The following DGKH variants were observed in gnomAD, a reference collection of about 807,000 sequenced individuals.
DGKH encodes diacylglycerol kinase eta.
DGKH carries 90 observed loss-of-function variants against 159.3 expected under a neutral mutation model. That is an observed-to-expected ratio of 0.57 (90% CI 0.48 to 0.67). The LOEUF (loss-of-function observed/expected upper bound fraction) is 0.67. DGKH is among the 30% of genes least tolerant of loss of function. The pLI is 0.00. For missense variants in DGKH, 1,181 were observed against 1,506.1 expected (o/e 0.78, Z 3.57); for synonymous variants, 536 against 553.8 (o/e 0.97, Z 0.45).
chr13:42,091,972 G>A (rs1239650212), intron 1 of DGKH, among the ~76,000 whole-genome samples: 2 of 152,058 alleles, frequency 1.3e-5, no homozygotes, highest in African/African-American at 4.8e-5. Context: ...TTAGTTTTTT[G>A]AGGAACCTCC....
intron 21 of DGKH, among the ~76,000 whole-genome samples, chr13:42,207,501 T>C (rs1183506631): frequency 4.0e-5 from 6 of 151,848 alleles, no homozygotes; most frequent in African/African-American, 1.5e-4. Flanking sequence ...TCAGTACTTT[T>C]AATTTTCTAA....
chr13:42,119,465 G>A (rs535607798), intron 1 of DGKH, among the ~76,000 whole-genome samples: 1 of 152,324 alleles, frequency 6.6e-6, no homozygotes, highest in South Asian at 2.1e-4. Context: ...CCTGTGGTCA[G>A]TGCTAGGCCA....
chr13:42,091,453 A>G (rs1451187607), intron 1 of DGKH, among the ~76,000 whole-genome samples: 7 of 152,208 alleles, frequency 4.6e-5, no homozygotes, highest in Non-Finnish European at 8.8e-5. Context: ...AAGAACTCCT[A>G]CAATTCAACA....
chr13:42,056,535 T>C (rs1881773346), intron 1 of DGKH, among the ~76,000 whole-genome samples: 1 of 152,254 alleles, frequency 6.6e-6, no homozygotes, highest in African/African-American at 2.4e-5. Flanking sequence ...CATGATCTTA[T>C]GGAACAGTTG....
intron 3 of DGKH, among the ~76,000 whole-genome samples, chr13:42,131,254 T>C (rs964700695): frequency 3.3e-5 from 5 of 152,200 alleles, no homozygotes; most frequent in Non-Finnish European, 5.9e-5. Flanking sequence ...AATTTTAGTT[T>C]TGTTGTTGTT....
At position 42,079,325 on chromosome 13, in the gene DGKH, T is replaced by A. The variant is rs544648987; in HGVS notation, c.192+30360T>A. ...CCAAGTTATGGGTATATGTACAAAG[T>A]TATGGGGTATATGTGCAATTTCATT... On this transcript the variant is annotated intron_variant, in intron 1 of 29. Coordinates refer to ENST00000337343, the MANE Select transcript of DGKH (RefSeq NM_178009.5). 3.9e-5 allele frequency among the ~76,000 whole-genome samples: 6 copies of A among 152,256 alleles called. No homozygotes were observed. In the South Asian group the frequency reaches 1.2e-3, roughly 32 times the overall value.
intron 1 of DGKH, among the ~76,000 whole-genome samples, chr13:42,062,796 G>T (rs1408763672): frequency 6.6e-6 from 1 of 152,216 alleles, no homozygotes; most frequent in Non-Finnish European, 1.5e-5. Context: ...TATTTTTGAA[G>T]ATTGAATAAA....
chr13:42,054,562 T>G lies in DGKH; in HGVS notation c.192+5597T>G, dbSNP rs543869562. 2.0e-5 allele frequency among the ~76,000 whole-genome samples: 3 copies of G among 152,322 alleles called. No individual in the cohort carries two copies. In the South Asian group the frequency reaches 6.2e-4, roughly 32 times the overall value. On this transcript the variant is annotated intron_variant, in intron 1 of 29. Coordinates refer to ENST00000337343, the MANE Select transcript of DGKH (RefSeq NM_178009.5). ...AAGGTGTCTGCTGAAATTATTTAAC[T>G]CAGAGAATGGAGGTTACTAAGAAGG...
intron 1 of DGKH, among the ~76,000 whole-genome samples, chr13:42,101,482 T>G (rs1954650915): frequency 6.6e-6 from 1 of 152,258 alleles, no homozygotes; most frequent in African/African-American, 2.4e-5. Flanking sequence ...CCAGTCACAG[T>G]TCAATGGTTC....
intron 1 of DGKH, among the ~76,000 whole-genome samples, chr13:42,077,168 A>T (rs553537475): frequency 4.6e-5 from 7 of 152,286 alleles, no homozygotes; most frequent in Admixed American, 3.3e-4. Flanking sequence ...AAATTCTGTA[A>T]CATAGCCCCT....
intron 21 of DGKH, among the ~76,000 whole-genome samples, chr13:42,206,868 G>A (rs1957486369): frequency 6.6e-6 from 1 of 151,966 alleles, no homozygotes; most frequent in Non-Finnish European, 1.5e-5. Flanking sequence ...TCCTTTTGCT[G>A]TGTAAGGTAA....
At position 42,155,327 on chromosome 13, in the gene DGKH, G is replaced by T; in HGVS notation, c.421G>T (p.Glu141Ter). 6.2e-7 allele frequency: 1 copy of T among 1,612,626 alleles called. No homozygotes were observed. Among genetic ancestry groups the T allele is most frequent in the South Asian group, 1.1e-5 (1 of 90,606 alleles). ...ATTCAGAAGGCTAATGCTGTGTGCTGAGAACAGAAAGGAGATGGAGGATTG... is the reference window on the plus strand; with the variant it reads ...ATTCAGAAGGCTAATGCTGTGTGCTTAGAACAGAAAGGAGATGGAGGATTG... The part of the protein sequence containing the change: ...TPFRRLMLCA[E>*]NRKEMEDWIS... The change falls in exon 4 of 30, where the codon GAG becomes TAG. Residue 141 changes from glutamate to a stop codon, truncating the protein, a stop_gained. Coordinates refer to ENST00000337343, the MANE Select transcript of DGKH (RefSeq NM_178009.5). LOFTEE classifies it high-confidence loss of function.
intron 24 of DGKH, among the ~76,000 whole-genome samples, chr13:42,213,633 G>A (rs558760987): frequency 1.3e-5 from 2 of 152,170 alleles, no homozygotes; most frequent in South Asian, 2.1e-4. Context: ...TAATCCTTAA[G>A]AATTAAATTC....
At chr13:42,128,170 T>C (rs1201693888) in intron 2 of DGKH, among the ~76,000 whole-genome samples, 2 of 152,226 alleles carry the variant, frequency 1.3e-5, no homozygotes, top group Admixed American at 1.3e-4. Context: ...AGACTTAAAA[T>C]ATTTTTTATA....
chr13:42,181,846 G>GGTCT (rs1566165895), intron 13 of DGKH: 5 of 145,954 alleles, frequency 3.4e-5, no homozygotes, highest in Admixed American at 7.4e-5. Context: ...GGTGCTGGCA[G>GGTCT]CTGAGCTGCT....
chr13:42,081,677 G>GGA (rs1954203150), intron 1 of DGKH, among the ~76,000 whole-genome samples: 2 of 152,156 alleles, frequency 1.3e-5, no homozygotes, highest in African/African-American at 4.8e-5. Context: ...AGCCACCTCA[G>GGA]GCTGTTTTCT....
chr13:42,227,932 G>C (rs575144714), intron 29 of DGKH, among the ~76,000 whole-genome samples: 1 of 152,168 alleles, frequency 6.6e-6, no homozygotes, highest in South Asian at 2.1e-4. Flanking sequence ...TCTCAGACAG[G>C]TTATTTTATA....
chr13:42,212,523 A>G (rs777914598), intron 24 of DGKH, among the ~76,000 whole-genome samples: 26 of 152,188 alleles, frequency 1.7e-4, no homozygotes, highest in Non-Finnish European at 2.5e-4. Flanking sequence ...TATACTTCCC[A>G]TGTTCTCATC....
chr13:42,111,633 A>C (rs1458388606), intron 1 of DGKH, among the ~76,000 whole-genome samples: 8 of 152,212 alleles, frequency 5.3e-5, no homozygotes, highest in African/African-American at 1.9e-4. Flanking sequence ...CATAATTTAT[A>C]TTTAAATGTA....
Sources: allele counts gnomAD v4.1 joint callset (sites outside exome capture counted in the v4.1 genomes callset), GRCh38; gene constraint gnomAD v4.1.1; transcripts MANE v1.5; gene names NCBI Gene and HGNC (gene_info 2026-07-23, HGNC 2026-07-21).